GABBR2: variants seen among roughly 807,000 people sequenced by gnomAD.
GABBR2 encodes gamma-aminobutyric acid type B receptor subunit 2.
Under a neutral mutation model 105.6 loss-of-function variants are expected in GABBR2, and 23 were observed. That is an observed-to-expected ratio of 0.22 (90% CI 0.16 to 0.31). The LOEUF (loss-of-function observed/expected upper bound fraction) is 0.31, where lower values mean the gene tolerates loss of function less well. Among genes scored for constraint, GABBR2 ranks in the 10% least tolerant of loss-of-function variants. GABBR2 has a pLI of 1.00. For synonymous variants in GABBR2, 478 were observed against 499.7 expected (o/e 0.96, Z 0.58); for missense variants, 734 against 1,245.5 (o/e 0.59, Z 6.18).
intron 12 of GABBR2, among the ~76,000 whole-genome samples, chr9:98,367,196 G>C (rs1166052221): frequency 6.6e-6 from 1 of 150,664 alleles, no homozygotes; most frequent in Admixed American, 6.6e-5. Flanking sequence ...GATGAGGGAG[G>C]AGGGGTGGGA....
intron 11 of GABBR2, among the ~76,000 whole-genome samples, chr9:98,383,449 A>G (rs1832015545): frequency 6.6e-6 from 1 of 152,132 alleles, no homozygotes; most frequent in African/African-American, 2.4e-5. Flanking sequence ...TTTTGGTGGG[A>G]ATGAGCCAGT....
chr9:98,652,681 T>C (rs1830126035), intron 1 of GABBR2, among the ~76,000 whole-genome samples: 1 of 152,226 alleles, frequency 6.6e-6, no homozygotes, highest in African/African-American at 2.4e-5. Context: ...TTCCCCCCAG[T>C]GGAGCGTCAC....
chr9:98,403,436 G>A (rs1376467857), intron 8 of GABBR2, among the ~76,000 whole-genome samples: 1 of 152,108 alleles, frequency 6.6e-6, no homozygotes, highest in Non-Finnish European at 1.5e-5. Flanking sequence ...CCGTGGGAAT[G>A]TGCAGAAGAG....
At chr9:98,558,417 C>T (rs1285205755) in intron 2 of GABBR2, among the ~76,000 whole-genome samples, 1 of 152,156 alleles carries the variant, frequency 6.6e-6, no homozygotes, top group Non-Finnish European at 1.5e-5. Context: ...GTTATGTCTA[C>T]AATTAGCATA....
intron 1 of GABBR2, among the ~76,000 whole-genome samples, chr9:98,614,630 A>G (rs982084432): frequency 2.6e-5 from 4 of 152,254 alleles, no homozygotes; most frequent in Middle Eastern, 3.2e-3. Context: ...CATAAAGCTT[A>G]AAAATACTAT....
At chr9:98,391,689 A>C (rs984634334) in intron 9 of GABBR2, among the ~76,000 whole-genome samples, 3 of 152,226 alleles carry the variant, frequency 2.0e-5, no homozygotes, top group Non-Finnish European at 2.9e-5. Context: ...GTGGTGTTTC[A>C]GGACAGTTGA....
intron 7 of GABBR2, among the ~76,000 whole-genome samples, chr9:98,430,141 T>A (rs1419893762): frequency 1.3e-5 from 2 of 151,896 alleles, no homozygotes; most frequent in Non-Finnish European, 2.9e-5. Flanking sequence ...AATAAAAAAA[T>A]TAGCCGGGCT....
chr9:98,305,595 G>A (rs891507963), intron 15 of GABBR2, among the ~76,000 whole-genome samples: 9 of 152,184 alleles, frequency 5.9e-5, no homozygotes, highest in African/African-American at 1.4e-4. Flanking sequence ...CCGGAGGATC[G>A]CTTGAGCCCA....
intron 8 of GABBR2, among the ~76,000 whole-genome samples, chr9:98,397,942 G>A (rs1832323767): frequency 1.3e-5 from 2 of 152,180 alleles, no homozygotes; most frequent in Admixed American, 1.3e-4. Context: ...CAGATGGAAG[G>A]ACTGTGTCCC....
chr9:98,377,300 G>A (rs1831892935), intron 11 of GABBR2, among the ~76,000 whole-genome samples: 1 of 152,170 alleles, frequency 6.6e-6, no homozygotes, highest in Non-Finnish European at 1.5e-5. Context: ...ACGTGGACAA[G>A]TGGGCGTCAG....
At chr9:98,424,283 G>A (rs576921141) in intron 7 of GABBR2, among the ~76,000 whole-genome samples, 4 of 148,398 alleles carry the variant, frequency 2.7e-5, no homozygotes, top group African/African-American at 7.5e-5. Context: ...ATTCAACAAC[G>A]CTTCATGCTA....
intron 5 of GABBR2, among the ~76,000 whole-genome samples, chr9:98,478,050 GACAAAAGCA>G (rs1355990636): frequency 6.6e-6 from 1 of 152,210 alleles, no homozygotes; most frequent in Non-Finnish European, 1.5e-5. Context: ...CAGAGGAGAA[GACAAAAGCA>G]ACATGCCATG....
rs555771145 is a variant in GABBR2, at chr9:98,454,378, A to C, written c.1000-161T>G. Among the ~76,000 whole-genome samples the C allele has an allele frequency of 6.6e-6, 1 of 152,164 alleles. No homozygotes were observed. The highest frequency in any genetic ancestry group is 1.9e-4 in the East Asian group (1 of 5,176). ...CATTTAACCCTCACAACAACCTCATAAGGTGGGTACTGTTATTGTCCCCAT... is the reference window on the plus strand; with the variant it reads ...CATTTAACCCTCACAACAACCTCATCAGGTGGGTACTGTTATTGTCCCCAT... On this transcript the variant is annotated intron_variant, in intron 6 of 18. Transcript: ENST00000259455. This position sits in a 1 kb window ranked among gnomAD's most constrained non-coding sequence, Gnocchi z 4.6.
intron 6 of GABBR2, among the ~76,000 whole-genome samples, chr9:98,467,620 T>C (rs1826587890): frequency 6.6e-6 from 1 of 152,238 alleles, no homozygotes. Context: ...ATGAGATGGG[T>C]GCAGATTTTC....
intron 7 of GABBR2, among the ~76,000 whole-genome samples, chr9:98,437,329 T>C (rs1452923530): frequency 6.6e-6 from 1 of 151,968 alleles, no homozygotes; most frequent in African/African-American, 2.4e-5. Context: ...CATCCACCCA[T>C]TCATCTATGC....
At chr9:98,441,472 A>G (rs1387801694) in intron 7 of GABBR2, among the ~76,000 whole-genome samples, 1 of 152,128 alleles carries the variant, frequency 6.6e-6, no homozygotes, top group Non-Finnish European at 1.5e-5. Context: ...GGTTCAAGCA[A>G]TTCTTCCACC....
At chr9:98,452,386 T>G (rs1826247895) in intron 7 of GABBR2, among the ~76,000 whole-genome samples, 1 of 152,178 alleles carries the variant, frequency 6.6e-6, no homozygotes, top group African/African-American at 2.4e-5. Flanking sequence ...AACTACCACT[T>G]TGGTCCATTA....
chr9:98,698,674 A>T (rs337546), intron 1 of GABBR2, among the ~76,000 whole-genome samples: 1 of 151,450 alleles, frequency 6.6e-6, no homozygotes, highest in South Asian at 2.1e-4. Context: ...TAATTTTTGT[A>T]TTTTTAGTAG....
intron 3 of GABBR2, among the ~76,000 whole-genome samples, chr9:98,501,053 CTCGGTTA>C: frequency 6.6e-6 from 1 of 152,106 alleles, no homozygotes; most frequent in Non-Finnish European, 1.5e-5. Context: ...ATATTTTCCC[CTCGGTTA>C]GGAGACCAGA....
Sources: allele counts gnomAD v4.1 joint callset (sites outside exome capture counted in the v4.1 genomes callset), GRCh38; gene constraint gnomAD v4.1.1; non-coding constraint Gnocchi (gnomAD v3.1); transcripts MANE v1.5; gene names NCBI Gene and HGNC (gene_info 2026-07-23, HGNC 2026-07-21).